USP43: variants seen among roughly 807,000 people sequenced by gnomAD.
USP43 encodes the protein ubiquitin specific peptidase 43, also known as ubiquitin carboxyl-terminal hydrolase 43.
A neutral mutation model predicts 90.7 loss-of-function variants in USP43; 33 were observed. The ratio of observed to expected loss-of-function variants is 0.36; its 90% CI spans 0.28 to 0.49. The LOEUF (loss-of-function observed/expected upper bound fraction) is 0.49. Ranked by LOEUF, USP43 falls within the 20% of genes least tolerant of loss-of-function variation. USP43 has a pLI of 0.98. For synonymous variants in USP43, 598 were observed against 615.8 expected (o/e 0.97, Z 0.43); for missense variants, 1,274 against 1,476.4 (o/e 0.86, Z 2.25).
At chr17:9,717,342 G>T (rs894287686) in intron 14 of USP43, among the ~76,000 whole-genome samples, 1 of 149,780 alleles carries the variant, frequency 6.7e-6, no homozygotes, top group Non-Finnish European at 1.5e-5. Context: ...ATACTTAGGA[G>T]TGGAATTGCT....
At chr17:9,695,808 C>T (rs1915224761) in intron 9 of USP43, among the ~76,000 whole-genome samples, 1 of 152,172 alleles carries the variant, frequency 6.6e-6, no homozygotes, top group Non-Finnish European at 1.5e-5. Flanking sequence ...TGGAAACCAC[C>T]ACTCCACTGT....
At chr17:9,697,217 A>T (rs761043418) in intron 9 of USP43, among the ~76,000 whole-genome samples, 5 of 152,162 alleles carry the variant, frequency 3.3e-5, no homozygotes, top group Non-Finnish European at 7.3e-5. Flanking sequence ...ACTCTGTCTC[A>T]AAAATAAATA....
At chr17:9,704,180 C>A (rs1479407901) in intron 12 of USP43, among the ~76,000 whole-genome samples, 1 of 152,158 alleles carries the variant, frequency 6.6e-6, no homozygotes, top group Non-Finnish European at 1.5e-5. Context: ...TTCACAGGTG[C>A]TCTGGAATTT....
chr17:9,715,647 G>A, intron 14 of USP43, among the ~76,000 whole-genome samples: 1 of 147,328 alleles, frequency 6.8e-6, no homozygotes, highest in Non-Finnish European at 1.5e-5. Context: ...TCTTGTGTGT[G>A]TGTCTCTATG....
intron 1 of USP43, among the ~76,000 whole-genome samples, chr17:9,653,756 G>A (rs1368708744): frequency 6.6e-6 from 1 of 152,214 alleles, no homozygotes; most frequent in Non-Finnish European, 1.5e-5. Context: ...GGAGAGTAAG[G>A]AACGATTTGG....
chr17:9,715,291 T>G (rs1020937388), intron 14 of USP43, among the ~76,000 whole-genome samples: 1 of 151,834 alleles, frequency 6.6e-6, no homozygotes, highest in African/African-American at 2.4e-5. Flanking sequence ...TGAGACCCCA[T>G]CTCTATAAAA....
rs1213497733 is a variant in USP43, at chr17:9,666,467, G to A, written c.637-181G>A. ...CACACTTCTTGTCCCAGAGAATTTG[G>A]GAGGTCAGGGGATTGAAAGAGCCTT... On this transcript the variant is annotated intron_variant, in intron 2 of 14. Transcript: ENST00000285199. 6.3e-4 allele frequency among the ~76,000 whole-genome samples: 96 copies of A among 151,940 alleles called. 1 individual carries two copies. Among genetic ancestry groups the A allele is most frequent in the Non-Finnish European group, 2.2e-4 (15 of 68,006 alleles).
At chr17:9,721,554 A>C (rs78968982) in intron 14 of USP43, among the ~76,000 whole-genome samples, 1 of 152,210 alleles carries the variant, frequency 6.6e-6, no homozygotes, top group East Asian at 1.9e-4. Flanking sequence ...TGCTCTGTGC[A>C]TGTATAAACT....
rs772552559 is a variant in USP43 at position 9,701,164 on chromosome 17, T to G, written c.1581T>G (p.Ser527Arg). ...AGGAGCGAGCGCAGGATGCCGACAGTGTGTGGCAGCAGCAGCAGGCGCATC... is the reference window on the plus strand; with the variant it reads ...AGGAGCGAGCGCAGGATGCCGACAGGGTGTGGCAGCAGCAGCAGGCGCATC... ...LQEERAQDAD[S>R]VWQQQQAHQQ... Residue 527 changes from serine to arginine, a missense_variant, in exon 11 of 15, where the codon AGT becomes AGG. By Grantham distance (110) the Ser-to-Arg change is moderately radical (BLOSUM62 -1). Transcript: ENST00000285199. This position sits in a 1 kb window ranked among gnomAD's most constrained non-coding sequence, Gnocchi z 7.2. 228 of 1,532,488 alleles carry G rather than the reference T, an allele frequency of 1.5e-4. No homozygotes were observed. Among genetic ancestry groups the G allele is most frequent in the Non-Finnish European group, 1.8e-4 (204 of 1,137,680 alleles). 94.9% of individuals were successfully genotyped at this position (1,532,488 alleles called of 1,614,324 possible).
At position 9,656,462 on chromosome 17, in the gene USP43, A is replaced by G; in HGVS notation, c.564A>G (p.Glu188=). Residue 188 remains glutamate, a synonymous_variant, in exon 2 of 15, where the codon GAA becomes GAG. Coordinates refer to ENST00000285199, the MANE Select transcript of USP43 (RefSeq NM_153210.5). ...FQGNSQHDAL[E]FLLWLLDRVH... The stretch of plus-strand genomic sequence containing the variant: ...GCAATTCCCAGCACGACGCCCTGGA[A>G]TTCCTGCTCTGGTTGCTGGATCGTG... 6.2e-7 allele frequency: 1 copy of G among 1,610,834 alleles called. No individual in the cohort carries two copies. Among genetic ancestry groups the G allele is most frequent in the South Asian group, 1.1e-5 (1 of 90,090 alleles).
intron 2 of USP43, among the ~76,000 whole-genome samples, chr17:9,666,195 C>G (rs111768783): frequency 0.019 from 2,848 of 152,248 alleles, 74 homozygotes; most frequent in African/African-American, 0.056. Flanking sequence ...TCATGTGAAA[C>G]TGACTCCTGA....
At chr17:9,713,099 C>CT (rs371335420) in intron 14 of USP43, among the ~76,000 whole-genome samples, 2,224 of 151,240 alleles carry the variant, frequency 0.015, 56 homozygotes, top group African/African-American at 0.051. Flanking sequence ...TATATTTGTA[C>CT]TTTTTTTTTG....
chr17:9,684,856 T>C (rs369074195), intron 7 of USP43, among the ~76,000 whole-genome samples: 6 of 152,244 alleles, frequency 3.9e-5, no homozygotes, highest in African/African-American at 1.4e-4. Context: ...TCTTAGATTG[T>C]TAAATGATTT....
intron 6 of USP43, 82 bp from the exon 7 acceptor site, chr17:9,682,739 AAG>A: frequency 6.6e-7 from 1 of 1,516,520 alleles, no homozygotes; most frequent in Non-Finnish European, 8.9e-7. Context: ...CTCAAAGAGA[AAG>A]AGGGACTAGA....
intron 7 of USP43, among the ~76,000 whole-genome samples, chr17:9,685,699 G>A (rs1914559350): frequency 6.6e-6 from 1 of 152,134 alleles, no homozygotes; most frequent in South Asian, 2.1e-4. Context: ...ACACATAATT[G>A]TACATATTTA....
In USP43 at chr17:9,700,177, T is replaced by C. The variant is rs1273518971; in HGVS notation, c.1463T>C (p.Leu488Ser). ...CTCCCTTGTTCTCTTCTCAGGGTTT[T>C]GCATCTCAGGAGGCCAGGAGGCCCT... Reference protein sequence around the residue: ...PLCHWAVDRVLHLRRPGGPPH... With the variant: ...PLCHWAVDRVSHLRRPGGPPH... Residue 488 changes from leucine (L) to serine (S), a missense_variant, in exon 10 of 15, where the codon TTG (leucine) becomes TCG (serine). By Grantham distance (145) the Leu-to-Ser change is moderately radical. Coordinates refer to ENST00000285199, the MANE Select transcript of USP43 (RefSeq NM_153210.5). The C allele has an allele frequency of 6.2e-7, 1 of 1,603,948 alleles. No homozygotes were observed. The highest frequency in any genetic ancestry group is 8.5e-7 in the Non-Finnish European group (1 of 1,175,654).
intron 3 of USP43, among the ~76,000 whole-genome samples, chr17:9,670,908 G>T (rs773247836): frequency 6.6e-6 from 1 of 152,190 alleles, no homozygotes; most frequent in Non-Finnish European, 1.5e-5. Context: ...TGAGGTCTGA[G>T]GGGTGGTTTT....
intron 14 of USP43, among the ~76,000 whole-genome samples, chr17:9,720,649 C>T (rs371690074): frequency 3.3e-5 from 5 of 151,964 alleles, no homozygotes; most frequent in Admixed American, 6.6e-5. Context: ...CCACCACGCC[C>T]GGCTAATTTT....
intron 3 of USP43, among the ~76,000 whole-genome samples, 153 bp downstream of exon 3, chr17:9,666,904 A>G (rs1216310418): frequency 6.6e-6 from 1 of 152,106 alleles, no homozygotes; most frequent in African/African-American, 2.4e-5. Context: ...CTGATTAAGC[A>G]CACACTCCTG....
Sources: gnomAD v4.1 joint callset for allele counts (sites outside exome capture counted in the v4.1 genomes callset) on GRCh38, gnomAD v4.1.1 for gene constraint, Gnocchi (gnomAD v3.1) non-coding constraint, MANE v1.5 for transcripts, NCBI Gene and HGNC (gene_info 2026-07-23, HGNC 2026-07-21) for gene names.